Variants in AMMECR1 observed in about 807,000 individuals in gnomAD.
AMMECR1 encodes the protein AMMECR nuclear protein 1, also known as nuclear protein AMMECR1.
Under a neutral mutation model 22.5 loss-of-function variants are expected in AMMECR1, and 3 were observed. The ratio of observed to expected loss-of-function variants is 0.13; its 90% confidence interval spans 0.06 to 0.35. The LOEUF (loss-of-function observed/expected upper bound fraction) is 0.35, where lower values mean the gene tolerates loss of function less well. Among genes scored for constraint, AMMECR1 ranks in the 10% least tolerant of loss-of-function variants. The pLI is 1.00. For missense variants in AMMECR1, 235 were observed against 278.7 expected (o/e 0.84, Z 1.12); for synonymous variants, 130 against 116.7 (o/e 1.11, Z -0.74).
At chrX:110,320,083 T>C (rs549629513), upstream of AMMECR1, among the ~76,000 whole-genome samples, 6 of 112,430 alleles carry the variant, frequency 5.3e-5, no homozygotes, top group African/African-American at 1.9e-4. Context: ...GTCGGTGATA[T>C]GTAATTTCAT....
At chrX:110,434,648 G>A (rs1420557507) in intron 1 of AMMECR1, among the ~76,000 whole-genome samples, 4 of 111,685 alleles carry the variant, frequency 3.6e-5, no homozygotes, top group African/African-American at 1.3e-4. Context: ...GAGAGGGAGA[G>A]TGAGGGGAGA....
At chrX:110,363,454 C>T (rs1481091231) in intron 2 of AMMECR1, among the ~76,000 whole-genome samples, 3 of 111,639 alleles carry the variant, frequency 2.7e-5, no homozygotes, top group Non-Finnish European at 5.6e-5. Context: ...AAGGGACCTC[C>T]CTATGTGTCA....
chrX:110,432,049 A>T (rs1486864635), intron 1 of AMMECR1, among the ~76,000 whole-genome samples: 5 of 112,103 alleles, frequency 4.5e-5, no homozygotes, highest in African/African-American at 1.6e-4. Context: ...CCATTCATTT[A>T]TTCAACATTT....
chrX:110,414,359 G>A (rs1017641541), intron 2 of AMMECR1, among the ~76,000 whole-genome samples: 4 of 112,380 alleles, frequency 3.6e-5, no homozygotes, highest in African/African-American at 1.3e-4. Flanking sequence ...GTCTGCTTTG[G>A]CCACTTCCAT....
intron 2 of AMMECR1, among the ~76,000 whole-genome samples, chrX:110,342,597 C>T (rs2068169336): frequency 9.0e-6 from 1 of 111,289 alleles, no homozygotes; most frequent in African/African-American, 3.3e-5. Flanking sequence ...GTCTCAAACT[C>T]CTGACTTCAT....
chrX:110,208,714 G>A (rs1340517378), intron 3 of AMMECR1, among the ~76,000 whole-genome samples: 1 of 111,655 alleles, frequency 9.0e-6, no homozygotes, highest in African/African-American at 3.3e-5. Flanking sequence ...CTAATGAAGA[G>A]GTGCTTTGAA....
chrX:110,357,209 G>T (rs750334517), intron 2 of AMMECR1, among the ~76,000 whole-genome samples: 11 of 111,628 alleles, frequency 9.9e-5, no homozygotes, highest in Admixed American at 1.9e-4. Flanking sequence ...AAATACATGG[G>T]AAAATCAAAT....
In AMMECR1 at chrX:110,329,675, G is replaced by A. The variant is rs933543926; in HGVS notation, c.-147-11826C>T. On this transcript the variant is annotated intron_variant, in intron 2 of 7. Coordinates refer to the AMMECR1 transcript ENST00000372057. ...TATGTGAGAATAAGTGTAAGAAAAT[G>A]ATTGCTTGTCAGTAGCATATAAATT... 6.3e-5 allele frequency among the ~76,000 whole-genome samples: 7 copies of A among 111,706 alleles called. 1 individual carries two copies. The highest frequency in any genetic ancestry group is 1.3e-4 in the Non-Finnish European group (7 of 53,164).
intron 2 of AMMECR1, among the ~76,000 whole-genome samples, chrX:110,223,542 T>C (rs1311368243): frequency 8.0e-5 from 9 of 112,113 alleles, no homozygotes; most frequent in Non-Finnish European, 1.5e-4. Context: ...AGATTGTCTC[T>C]ACCTTCAAGA....
chrX:110,247,814 T>G (rs2067666870), intron 2 of AMMECR1, among the ~76,000 whole-genome samples: 1 of 112,278 alleles, frequency 8.9e-6, no homozygotes, highest in Admixed American at 9.4e-5. Context: ...TGAAAACAAG[T>G]TTGAAAGATA....
chrX:110,259,056 A>G (rs2067724945), intron 2 of AMMECR1, among the ~76,000 whole-genome samples: 1 of 111,785 alleles, frequency 8.9e-6, no homozygotes, highest in South Asian at 3.7e-4. Flanking sequence ...TAAGTACCCA[A>G]TCTAGCTAGG....
At chrX:110,318,128 G>A, upstream of AMMECR1, 2 of 1,039,652 alleles carry the variant, frequency 1.9e-6, no homozygotes, top group Admixed American at 3.6e-5. Flanking sequence ...CGAGCTGGCG[G>A]CGGGGGCGAG....
intron 2 of AMMECR1, among the ~76,000 whole-genome samples, chrX:110,371,510 T>C (rs1371357206): frequency 1.8e-5 from 2 of 111,426 alleles, no homozygotes; most frequent in East Asian, 5.6e-4. Flanking sequence ...TTTGTACCCA[T>C]TGACCATCCC....
intron 2 of AMMECR1, among the ~76,000 whole-genome samples, chrX:110,255,510 T>TA (rs1410467096): frequency 8.9e-6 from 1 of 111,900 alleles, no homozygotes; most frequent in Non-Finnish European, 1.9e-5. Flanking sequence ...CTGCAGAACT[T>TA]AAGAGATTCT....
At chrX:110,345,647 G>A (rs936553661) in intron 2 of AMMECR1, among the ~76,000 whole-genome samples, 13 of 110,362 alleles carry the variant, frequency 1.2e-4, no homozygotes, top group African/African-American at 4.3e-4. Flanking sequence ...TGGGTGACGG[G>A]ATCATCCATA....
At chrX:110,280,392 T>C (rs778728465) in intron 1 of AMMECR1, among the ~76,000 whole-genome samples, 3 of 111,249 alleles carry the variant, frequency 2.7e-5, no homozygotes, top group African/African-American at 6.5e-5. Flanking sequence ...AGAGGTAAAA[T>C]TGTTGACATT....
intron 2 of AMMECR1, among the ~76,000 whole-genome samples, chrX:110,250,192 T>A (rs1486735017): frequency 8.9e-6 from 1 of 112,315 alleles, no homozygotes; most frequent in African/African-American, 3.2e-5. Flanking sequence ...TACTTTTTCA[T>A]TTTTTAAGCA....
intron 2 of AMMECR1, among the ~76,000 whole-genome samples, chrX:110,373,000 A>G (rs1352356740): frequency 8.9e-6 from 1 of 112,411 alleles, no homozygotes; most frequent in Non-Finnish European, 1.9e-5. Flanking sequence ...AATAATAACA[A>G]ATCTTATTTA....
intron 2 of AMMECR1, among the ~76,000 whole-genome samples, chrX:110,381,193 G>A (rs1258910061): frequency 9.0e-6 from 1 of 111,725 alleles, no homozygotes; most frequent in Non-Finnish European, 1.9e-5. Flanking sequence ...ATCCAACAAA[G>A]GACTAATATC....
Sources: gnomAD v4.1 joint callset for allele counts (sites outside exome capture counted in the v4.1 genomes callset) on GRCh38, gnomAD v4.1.1 for gene constraint, MANE v1.5 for transcripts, NCBI Gene and HGNC (gene_info 2026-07-23, HGNC 2026-07-21) for gene names.